The following TMPRSS3 variants were observed in gnomAD, a reference collection of about 807,000 sequenced individuals.
TMPRSS3 encodes the protein transmembrane serine protease 3, also known as transmembrane protease serine 3.
TMPRSS3 carries 55 observed loss-of-function variants against 59.6 expected under a neutral mutation model. That is an observed-to-expected ratio of 0.92 (90% CI 0.74 to 1.16). The LOEUF is 1.16. TMPRSS3 is among the 50% of genes most tolerant of loss of function. The pLI, the probability that TMPRSS3 is intolerant of heterozygous loss-of-function variation, is 0.00. For missense variants in TMPRSS3, 596 were observed against 579.4 expected (o/e 1.03, Z -0.29); for synonymous variants, 257 against 237.7 (o/e 1.08, Z -0.75).
intron 10 of TMPRSS3, among the ~76,000 whole-genome samples, chr21:42,378,817 A>G (rs1190683059): frequency 6.6e-6 from 1 of 152,164 alleles, no homozygotes; most frequent in Non-Finnish European, 1.5e-5. Flanking sequence ...TCCTGGGCTC[A>G]AGCAATCCCA....
chr21:42,383,062 C>G lies in TMPRSS3; in HGVS notation c.753G>C (p.Trp251Cys), dbSNP rs137852999. The G allele has an allele frequency of 6.2e-7, 1 of 1,614,154 alleles. No homozygotes were observed. Among genetic ancestry groups the G allele is most frequent in the Non-Finnish European group, 8.5e-7 (1 of 1,180,038 alleles). ...LCGGSVITPL[W>C]IITAAHCVYD... ...AAACACAGTGTGCAGCAGTGATGAT[C>G]CACAGGGGCGTGATGACAGAGCCCC... The change falls in exon 8 of 13, where the codon TGG becomes TGC. Residue 251 changes from tryptophan (W) to cysteine (C), a missense_variant. Transcript: ENST00000644384.
At chr21:42,395,108 G>T (rs186836012) in intron 2 of TMPRSS3, among the ~76,000 whole-genome samples, 1 of 152,218 alleles carries the variant, frequency 6.6e-6, no homozygotes, top group African/African-American at 2.4e-5. Context: ...AGAAAACACC[G>T]GTCTCCAGGG....
chr21:42,389,795 AC>A (rs1216261577), intron 3 of TMPRSS3, 131 bp downstream of exon 3: 2 of 757,892 alleles, frequency 2.6e-6, no homozygotes, highest in Non-Finnish European at 4.7e-6. Context: ...AAGTCAGCAA[AC>A]CAAAAGGATG....
rs1223475939 is a variant in TMPRSS3 at position 42,371,942 on chromosome 21, C to T, written c.*820G>A. ...TCAAAGGACAATAATACGTCAAGCA[C>T]CAAATGCTACAAAGAAATCATGAAA... On this transcript the variant is annotated 3_prime_UTR_variant, in exon 13 of 13. Transcript: ENST00000644384. 4.4e-6 allele frequency: 2 copies of T among 454,628 alleles called. No individual in the cohort carries two copies. Among genetic ancestry groups the T allele is most frequent in the Admixed American group, 4.7e-5 (2 of 42,576 alleles). 28.2% of individuals were successfully genotyped at this position (454,628 alleles called of 1,614,324 possible).
At chr21:42,389,398 G>C (rs901734165) in intron 3 of TMPRSS3, among the ~76,000 whole-genome samples, 1 of 152,204 alleles carries the variant, frequency 6.6e-6, no homozygotes, top group Non-Finnish European at 1.5e-5. Flanking sequence ...CGGCCTTCCT[G>C]GTTTCTCTTA....
rs757758930 is a variant in TMPRSS3 at position 42,372,806 on chromosome 21, G to T, written c.1345-27C>A. On this transcript the variant is annotated intron_variant, in intron 12 of 12. Transcript: ENST00000644384. ...TATAAATGAAAACAAAGGCGTTATT[G>T]TTTTTAGCACTTCCAGCCATCCGTC... 6 of 1,613,898 alleles carry T rather than the reference G, an allele frequency of 3.7e-6. No individual in the cohort carries two copies. The South Asian group carries it at 5.5e-5, about 15-fold the overall frequency.
rs747531199 is a variant in TMPRSS3, at chr21:42,388,478, G to C, written c.371C>G (p.Ser124Trp). ...GTCATCGGAGCACATGGTCTTCCAC[G>C]AAGCAGCTGTGAACACCTGGAGCAC... ...NAVLQVFTAA[S>W]WKTMCSDDWK... Residue 124 changes from serine (S) to tryptophan (W), a missense_variant, in exon 5 of 13, where the codon TCG becomes TGG. Physicochemically the swap from Ser to Trp is radical, Grantham distance 177. Transcript: ENST00000644384. The surrounding 1 kb of genome is among the most constrained non-coding windows in gnomAD (Gnocchi z 5.1). 1 of 1,614,210 alleles carries C rather than the reference G, an allele frequency of 6.2e-7. No homozygotes were observed. Among genetic ancestry groups the C allele is most frequent in the South Asian group, 1.1e-5 (1 of 91,082 alleles).
intron 8 of TMPRSS3, 90 bp from the exon 9 acceptor site, chr21:42,382,324 G>A: frequency 8.4e-7 from 1 of 1,192,602 alleles, no homozygotes; most frequent in Non-Finnish European, 1.2e-6. Flanking sequence ...TAGGAAGATG[G>A]TGGGAGAGGT....
At chr21:42,381,914 T>G in intron 9 of TMPRSS3, 151 bp downstream of exon 9, 1 of 995,788 alleles carries the variant, frequency 1.0e-6, no homozygotes, top group Non-Finnish European at 1.6e-6. Flanking sequence ...GATAATCAAC[T>G]GATGCCAACA....
intron 7 of TMPRSS3, 83 bp downstream of exon 7, chr21:42,383,887 G>C (rs774368272): frequency 3.5e-6 from 5 of 1,440,058 alleles, no homozygotes; most frequent in East Asian, 2.3e-5. Context: ...GAGCCCCATG[G>C]GGGGAGAGGA....
intron 2 of TMPRSS3, among the ~76,000 whole-genome samples, chr21:42,390,775 T>C (rs575078526): frequency 3.3e-5 from 5 of 151,776 alleles, no homozygotes; most frequent in African/African-American, 1.2e-4. Flanking sequence ...GGGACAAACA[T>C]GCATGAAGGG....
At chr21:42,395,160 C>T (rs1181293059) in intron 2 of TMPRSS3, among the ~76,000 whole-genome samples, 164 bp downstream of exon 2, 1 of 152,174 alleles carries the variant, frequency 6.6e-6, no homozygotes, top group East Asian at 1.9e-4. Context: ...TCTCCAATGC[C>T]CCTTCTCCCT....
intron 2 of TMPRSS3, among the ~76,000 whole-genome samples, chr21:42,394,697 C>G (rs1022503621): frequency 6.6e-6 from 1 of 152,168 alleles, no homozygotes; most frequent in African/African-American, 2.4e-5. Flanking sequence ...CTCCCTAGCA[C>G]CAATGTGTCA....
intron 2 of TMPRSS3, among the ~76,000 whole-genome samples, chr21:42,395,119 A>C (rs1866166654): frequency 6.6e-6 from 1 of 152,176 alleles, no homozygotes; most frequent in South Asian, 2.1e-4. Flanking sequence ...GTCTCCAGGG[A>C]GAGAGCAAAG....
At chr21:42,382,906 T>C in intron 8 of TMPRSS3, 127 bp downstream of exon 8, 1 of 1,169,198 alleles carries the variant, frequency 8.6e-7, no homozygotes, top group Non-Finnish European at 1.2e-6. Context: ...CCTCTCCAAC[T>C]GTACATTACT....
At chr21:42,382,906 T>G in intron 8 of TMPRSS3, 127 bp downstream of exon 8, 1 of 1,169,198 alleles carries the variant, frequency 8.6e-7, no homozygotes, top group Non-Finnish European at 1.2e-6. Flanking sequence ...CCTCTCCAAC[T>G]GTACATTACT....
At chr21:42,378,590 G>A (rs2052469056) in intron 10 of TMPRSS3, among the ~76,000 whole-genome samples, 1 of 152,196 alleles carries the variant, frequency 6.6e-6, no homozygotes, top group Non-Finnish European at 1.5e-5. Flanking sequence ...CCAGCTACAA[G>A]CCCAGGAATG....
At position 42,383,099 on chromosome 21, in the gene TMPRSS3, T is replaced by C. The variant is rs1360593424; in HGVS notation, c.716A>G (p.Tyr239Cys). 6.2e-7 allele frequency: 1 copy of C among 1,614,158 alleles called. No individual in the cohort carries two copies. Among genetic ancestry groups the C allele is most frequent in the Admixed American group, 1.7e-5 (1 of 60,032 alleles). The change falls in exon 8 of 13, where the codon TAC (tyrosine) becomes TGC (cysteine). Residue 239 changes from tyrosine (Y) to cysteine (C), a missense_variant. Coordinates refer to ENST00000644384, the MANE Select transcript of TMPRSS3 (RefSeq NM_001256317.3). Reference protein sequence around the residue: ...PWQASLQFQGYHLCGGSVITP... With the variant: ...PWQASLQFQGCHLCGGSVITP... The stretch of plus-strand genomic sequence containing the variant: ...GATGACAGAGCCCCCGCACAGGTGG[T>C]AGCCCTGGAACTGAAGGCTGGCCTG...
intron 5 of TMPRSS3, among the ~76,000 whole-genome samples, chr21:42,386,965 T>C (rs563678911): frequency 3.1e-4 from 47 of 152,242 alleles, no homozygotes; most frequent in African/African-American, 9.1e-4. Flanking sequence ...GAGAAGAAAG[T>C]AGGCAATATT....
Sources: gnomAD v4.1 joint callset for allele counts (sites outside exome capture counted in the v4.1 genomes callset) on GRCh38, gnomAD v4.1.1 for gene constraint, Gnocchi (gnomAD v3.1) non-coding constraint, MANE v1.5 for transcripts, NCBI Gene and HGNC (gene_info 2026-07-23, HGNC 2026-07-21) for gene names.